Variants in SCARB2 observed in about 807,000 individuals in gnomAD.
SCARB2 encodes the protein scavenger receptor class B member 2.
SCARB2 carries 29 observed loss-of-function variants against 58.6 expected under a neutral mutation model. That is an observed-to-expected ratio of 0.49 (90% CI 0.37 to 0.67). SCARB2 has a LOEUF of 0.67. Among genes scored for constraint, SCARB2 ranks in the 30% least tolerant of loss-of-function variants. The pLI, the probability that SCARB2 is intolerant of heterozygous loss-of-function variation, is 0.00. For synonymous variants in SCARB2, 195 were observed against 210.1 expected (o/e 0.93, Z 0.62); for missense variants, 488 against 578.5 (o/e 0.84, Z 1.60).
Position 76,201,806 on chromosome 4 carries a change from A to T in SCARB2, c.118-5942T>A, listed in dbSNP as rs539077419. Among the ~76,000 whole-genome samples, 5 of 152,310 alleles carry T rather than the reference A, an allele frequency of 3.3e-5. No homozygotes were observed. In the South Asian group the frequency reaches 1.0e-3, roughly 32 times the overall value. On this transcript the variant is annotated intron_variant, in intron 1 of 11. Coordinates refer to ENST00000264896, the MANE Select transcript of SCARB2 (RefSeq NM_005506.4). ...TAAGTCTGTTAGATCTGTCTTTAGC[A>T]ATTTTGGTTTTAATGAATTTTTTAT...
At chr4:76,202,453 G>C (rs1436447455) in intron 1 of SCARB2, among the ~76,000 whole-genome samples, 1 of 152,078 alleles carries the variant, frequency 6.6e-6, no homozygotes, top group East Asian at 1.9e-4. Flanking sequence ...TAGAGAAAGG[G>C]CTTCACCATG....
chr4:76,225,731 T>C (rs1209234962), intron 1 of SCARB2, among the ~76,000 whole-genome samples: 6 of 152,248 alleles, frequency 3.9e-5, no homozygotes, highest in Non-Finnish European at 8.8e-5. Flanking sequence ...ATCCCTGGTA[T>C]GAAACTCACT....
chr4:76,163,446 T>A, intron 10 of SCARB2, 63 bp from the exon 11 acceptor site: 2 of 1,582,230 alleles, frequency 1.3e-6, no homozygotes, highest in Admixed American at 1.7e-5. Context: ...TGTTTTTTGC[T>A]ATATCTTTCC....
At chr4:76,209,697 C>G (rs1488459142) in intron 1 of SCARB2, among the ~76,000 whole-genome samples, 3 of 152,240 alleles carry the variant, frequency 2.0e-5, no homozygotes, top group Non-Finnish European at 4.4e-5. Context: ...ATCGGTAGAA[C>G]AGCTCCAGAG....
intron 1 of SCARB2, among the ~76,000 whole-genome samples, chr4:76,202,184 GAAA>G (rs1295427212): frequency 6.6e-6 from 1 of 152,210 alleles, no homozygotes; most frequent in Non-Finnish European, 1.5e-5. Context: ...CAAATGTGCA[GAAA>G]AAGTCATGTG....
chr4:76,183,082 T>A (rs1420819168), intron 2 of SCARB2, among the ~76,000 whole-genome samples: 2 of 152,214 alleles, frequency 1.3e-5, no homozygotes, highest in African/African-American at 2.4e-5. Flanking sequence ...AATGCATTCA[T>A]ATAGATGCAT....
intron 7 of SCARB2, chr4:76,173,753 C>A: frequency 3.7e-6 from 1 of 271,994 alleles, no homozygotes; most frequent in Non-Finnish European, 7.1e-6. Flanking sequence ...TAAACATGAG[C>A]TATTATTACT....
At position 76,213,644 on chromosome 4, in the gene SCARB2, C is replaced by A. The variant is rs1200605751; in HGVS notation, c.-101G>T. On this transcript the variant is annotated 5_prime_UTR_variant, in exon 1 of 12. Coordinates refer to ENST00000264896, the MANE Select transcript of SCARB2 (RefSeq NM_005506.4). ...GAGGCGTCGAAGACCCGGGACCCTT[C>A]GGCGCCACGCCCACGCCCTCCCGGC... The A allele has an allele frequency of 1.1e-6, 1 of 897,892 alleles. No homozygotes were observed. The highest frequency in any genetic ancestry group is 1.8e-6 in the Non-Finnish European group (1 of 565,308). The allele number at this position is 897,892 out of a possible 1,614,324, so 55.6% of individuals were successfully genotyped here.
At chr4:76,186,139 C>T (rs17001593) in intron 2 of SCARB2, among the ~76,000 whole-genome samples, 4,038 of 152,184 alleles carry the variant, frequency 0.027, 136 homozygotes, top group African/African-American at 0.083. Flanking sequence ...TCACAGTAAA[C>T]GCACTGTGGG....
chr4:76,198,234 G>A (rs1163546957), intron 1 of SCARB2, among the ~76,000 whole-genome samples: 2 of 152,184 alleles, frequency 1.3e-5, no homozygotes, highest in African/African-American at 4.8e-5. Flanking sequence ...TCATTTATTT[G>A]TTCATGTGAA....
chr4:76,202,421 C>T (rs930493475), intron 1 of SCARB2, among the ~76,000 whole-genome samples: 1 of 152,110 alleles, frequency 6.6e-6, no homozygotes, highest in African/African-American at 2.4e-5. Context: ...ATGACCACAC[C>T]TGGCTAATTT....
intron 1 of SCARB2, among the ~76,000 whole-genome samples, chr4:76,220,455 T>G (rs1158704594): frequency 6.6e-6 from 1 of 152,152 alleles, no homozygotes; most frequent in Non-Finnish European, 1.5e-5. Context: ...AGCAAGACCC[T>G]ATCTCTATAG....
In SCARB2 at chr4:76,166,281, G is replaced by A. The variant is rs770343701; in HGVS notation, c.1208C>T (p.Thr403Ile). 4.3e-6 allele frequency: 7 copies of A among 1,613,986 alleles called. No individual in the cohort carries two copies. Among genetic ancestry groups the A allele is most frequent in the African/African-American group, 4.0e-5 (3 of 74,906 alleles). Residue 403 changes from threonine to isoleucine, a missense_variant, in exon 10 of 12, where the codon ACC becomes ATC. Coordinates refer to ENST00000264896, the MANE Select transcript of SCARB2 (RefSeq NM_005506.4). ...DDFVETGDIR[T>I]MVFPVMYLNE... is the part of the protein sequence containing the mutation. ...GAGGTACATCACTGGGAAAACCATG[G>A]TTCTAATGTCTCCCGTTTCACTACA...
intron 1 of SCARB2, among the ~76,000 whole-genome samples, chr4:76,198,581 C>A (rs80231404): frequency 0.024 from 3,615 of 152,224 alleles, 131 homozygotes; most frequent in African/African-American, 0.082. Flanking sequence ...CATAACCAAC[C>A]CAGACCATGT....
intron 11 of SCARB2, chr4:76,163,000 AT>A: frequency 3.2e-6 from 2 of 619,046 alleles, no homozygotes; most frequent in Non-Finnish European, 5.7e-6. Flanking sequence ...AAGAGATTCT[AT>A]TCCCCAAATA....
chr4:76,196,980 G>A lies in SCARB2; in HGVS notation c.118-1116C>T, dbSNP rs73826390. Among the ~76,000 whole-genome samples the A allele has an allele frequency of 2.5e-3, 384 of 151,792 alleles. 3 individuals carry two copies. Among genetic ancestry groups the A allele is most frequent in the African/African-American group, 8.5e-3 (349 of 41,074 alleles). ...GAGGGTAGGCCCTGCTAATAGGACC[G>A]GTGTCCTAACTGGAGGAGGAAACTG... is the stretch of plus-strand genomic sequence containing the variant. On this transcript the variant is annotated intron_variant, in intron 1 of 11. Transcript: ENST00000264896.
intron 9 of SCARB2, among the ~76,000 whole-genome samples, chr4:76,167,301 G>A (rs1012453560): frequency 1.8e-4 from 28 of 152,180 alleles, no homozygotes; most frequent in Admixed American, 1.4e-3. Flanking sequence ...CCAAATCTCA[G>A]GGTGAAATGT....
chr4:76,213,632 C>T lies in SCARB2; in HGVS notation c.-89G>A, dbSNP rs1733124117. 9.3e-7 allele frequency: 1 copy of T among 1,070,410 alleles called. No individual in the cohort carries two copies. Among genetic ancestry groups the T allele is most frequent in the African/African-American group, 1.6e-5 (1 of 63,820 alleles). 66.3% of individuals were successfully genotyped at this position (1,070,410 alleles called of 1,614,324 possible). A position where few individuals can be genotyped will look rare whatever the true frequency, so the allele number is the denominator to read the frequency against. On this transcript the variant is annotated 5_prime_UTR_variant, in exon 1 of 12. Transcript: ENST00000264896. ...GGAGCCGCCGCAGAGGCGTCGAAGA[C>T]CCGGGACCCTTCGGCGCCACGCCCA...
intron 4 of SCARB2, among the ~76,000 whole-genome samples, chr4:76,178,887 T>C (rs1732319110): frequency 6.6e-6 from 1 of 152,150 alleles, no homozygotes; most frequent in African/African-American, 2.4e-5. Flanking sequence ...GGTAAGACTC[T>C]TGAACAGGCA....
Sources: allele counts gnomAD v4.1 joint callset (sites outside exome capture counted in the v4.1 genomes callset), GRCh38; gene constraint gnomAD v4.1.1; transcripts MANE v1.5; gene names NCBI Gene and HGNC (gene_info 2026-07-23, HGNC 2026-07-21).